FBN3: variants seen among roughly 807,000 people sequenced by gnomAD.
The protein encoded by FBN3 is fibrillin-3.
A neutral mutation model predicts 330.1 loss-of-function variants in FBN3; 234 were observed. The ratio of observed to expected loss-of-function variants is 0.71; its 90% CI spans 0.64 to 0.79. FBN3 has a LOEUF of 0.79. FBN3 is among the 30% of genes least tolerant of loss of function. The pLI, the probability that FBN3 is intolerant of heterozygous loss-of-function variation, is 0.00. For synonymous variants in FBN3, 1,458 were observed against 1,517.3 expected, an observed-to-expected ratio of 0.96 and a Z score of 0.91; for missense variants, 3,606 against 3,886.9, an observed-to-expected ratio of 0.93 and a Z score of 1.92.
In FBN3 at chr19:8,109,446, T is replaced by C. The variant is rs2082527334; in HGVS notation, c.4457-58A>G. 3 of 1,575,708 alleles carry C rather than the reference T, an allele frequency of 1.9e-6. No individual in the cohort carries two copies. Among genetic ancestry groups the C allele is most frequent in the Admixed American group, 3.4e-5 (2 of 59,536 alleles). ...TCAGAGGGAAAGCTGTATGTGTGCGTGTGCATGCATGTGTCTATTTCAACA... is the reference window on the plus strand; with the variant it reads ...TCAGAGGGAAAGCTGTATGTGTGCGCGTGCATGCATGTGTCTATTTCAACA... On this transcript the variant is annotated intron_variant, in intron 35 of 63. Coordinates refer to ENST00000600128, the MANE Select transcript of FBN3 (RefSeq NM_032447.5). This position sits in a 1 kb window ranked among gnomAD's most constrained non-coding sequence, Gnocchi z 5.2.
chr19:8,143,497 CTTTT>C (rs557671451), intron 6 of FBN3, among the ~76,000 whole-genome samples: 1 of 126,084 alleles, frequency 7.9e-6, no homozygotes. Context: ...CTTTTCTTTT[CTTTT>C]TTTTTTTTTT....
chr19:8,071,960 G>C lies in FBN3; in HGVS notation c.8088+88C>G, dbSNP rs955482440. 35 of 1,345,118 alleles carry C rather than the reference G, an allele frequency of 2.6e-5. No homozygotes were observed. The African/African-American group carries it at 2.7e-4, about 10-fold the overall frequency. The allele number at this position is 1,345,118 out of a possible 1,614,324, so 83.3% of individuals were successfully genotyped here. A position where few individuals can be genotyped will look rare whatever the true frequency, so the allele number is the denominator to read the frequency against. On this transcript the variant is annotated intron_variant, in intron 63 of 63. Transcript: ENST00000600128. ...GGAGCCTGGTGCTCCTTCTTGGGGG[G>C]GCTGACATGACTAAGTCGGGTCCAC...
intron 51 of FBN3, 140 bp from the exon 52 acceptor site, chr19:8,088,319 A>G (rs560077500): frequency 1.9e-6 from 2 of 1,036,298 alleles, no homozygotes; most frequent in South Asian, 1.6e-5. Flanking sequence ...GGGGCAGGCA[A>G]GCGGTATGTG....
Position 8,100,893 on chromosome 19 carries a change from T to G in FBN3, c.5161+8A>C, listed in dbSNP as rs750635289. 6.2e-7 allele frequency: 1 copy of G among 1,612,516 alleles called. No individual in the cohort carries two copies. The highest frequency in any genetic ancestry group is 1.3e-5 in the African/African-American group (1 of 74,820). ...TGCCCAGGGATAGAGCAGGGACCACTCACTCACCAAGGGGCTTCCCCGTGT... is the reference window on the plus strand; with the variant it reads ...TGCCCAGGGATAGAGCAGGGACCACGCACTCACCAAGGGGCTTCCCCGTGT... On this transcript the variant is annotated splice_region_variant and intron_variant, in intron 41 of 63. Coordinates refer to ENST00000600128, the MANE Select transcript of FBN3 (RefSeq NM_032447.5).
intron 13 of FBN3, 25 bp downstream of exon 13, chr19:8,135,936 G>GGGGGGGGGGGGGGGGGGGCCCCCC: frequency 4.2e-5 from 28 of 668,734 alleles, no homozygotes; most frequent in East Asian, 7.9e-5. Context: ...GGAAGCCCCT[G>GGGGGGGGGGGGGGGGGGGCCCCCC]CCCACCCGCC....
rs2082433571 is a variant in FBN3 at position 8,106,149 on chromosome 19, G to A, written c.4772C>T (p.Pro1591Leu). Reference sequence around the variant, plus strand: ...GTGCTCACTGAGGTGGTAGCCAGGTGGGCACTCACACTGGAAACTGCCAAA... The same window carrying A: ...GTGCTCACTGAGGTGGTAGCCAGGTAGGCACTCACACTGGAAACTGCCAAA... ...NTFGSFQCEC[P>L]PGYHLSEHTR... The change falls in exon 38 of 64, where the codon CCA becomes CTA. Residue 1591 changes from proline (P) to leucine (L), a missense_variant. Physicochemically the swap from Pro to Leu is moderately conservative, Grantham distance 98. Coordinates refer to ENST00000600128, the MANE Select transcript of FBN3 (RefSeq NM_032447.5). The A allele has an allele frequency of 6.2e-7, 1 of 1,614,088 alleles. No homozygotes were observed. Among genetic ancestry groups the A allele is most frequent in the Non-Finnish European group, 8.5e-7 (1 of 1,180,000 alleles).
intron 39 of FBN3, 95 bp from the exon 40 acceptor site, chr19:8,102,968 T>C (rs894709204): frequency 6.8e-6 from 9 of 1,319,154 alleles, no homozygotes; most frequent in Admixed American, 1.8e-5. Flanking sequence ...ACTGATTCAT[T>C]TGAAGATTAC....
At chr19:8,070,370 G>A (rs897707222) in intron 63 of FBN3, among the ~76,000 whole-genome samples, 1 of 152,142 alleles carries the variant, frequency 6.6e-6, no homozygotes, top group East Asian at 1.9e-4. Flanking sequence ...TCAGCCTCAC[G>A]AGGGCAGGTG....
At chr19:8,116,872 G>A in intron 28 of FBN3, 73 bp from the exon 29 acceptor site, 6 of 1,540,214 alleles carry the variant, frequency 3.9e-6, no homozygotes, top group Non-Finnish European at 5.3e-6. Flanking sequence ...TGCTCCCCAG[G>A]CCCCAGGACG....
rs145344717 is a variant in FBN3, at chr19:8,103,680, G to A, written c.4821C>T (p.Asp1607=). The A allele has an allele frequency of 9.7e-4, 1,572 of 1,612,838 alleles. 26 individuals carry two copies. The South Asian group carries it at 0.015, about 16-fold the overall frequency. The part of the protein sequence containing the change: ...SEHTRICEDI[D]ECSTHSGICG... Reference sequence around the variant, plus strand: ...AGATGCCGGAGTGTGTGGAGCATTCGTCAATATCTGCAGGGAAAGAAGGGG... The same window carrying A: ...AGATGCCGGAGTGTGTGGAGCATTCATCAATATCTGCAGGGAAAGAAGGGG... The change falls in exon 39 of 64, where the codon GAC becomes GAT. Residue 1607 remains aspartate (D), a synonymous_variant. Transcript: ENST00000600128.
intron 63 of FBN3, among the ~76,000 whole-genome samples, chr19:8,068,230 C>CAAAA (rs61181143): frequency 2.0e-3 from 288 of 145,366 alleles, no homozygotes; most frequent in Middle Eastern, 7.1e-3. Context: ...ACTAAAAATA[C>CAAAA]AAAAAAAAAA....
rs868550054 is a variant in FBN3, at chr19:8,117,472, C to T, written c.3455G>A (p.Gly1152Asp). The T allele has an allele frequency of 1.9e-6, 3 of 1,561,024 alleles. No individual in the cohort carries two copies. The highest frequency in any genetic ancestry group is 2.6e-6 in the Non-Finnish European group (3 of 1,152,208). Residue 1152 changes from glycine to aspartate, a missense_variant, in exon 27 of 64, where the codon GGC becomes GAC. By Grantham distance (94) the Gly-to-Asp change is moderately conservative (BLOSUM62 -1). Transcript: ENST00000600128. ...AGFQSTPDRQ[G>D]CVDINECRVQ... is the part of the protein sequence containing the mutation. ...GGTGGGCACAGTCTCACCCACGCAG[C>T]CCTGGCGGTCAGGTGTGCTCTGGAA...
chr19:8,125,614 A>C (rs1236645404), intron 22 of FBN3, among the ~76,000 whole-genome samples: 1 of 151,988 alleles, frequency 6.6e-6, no homozygotes, highest in Non-Finnish European at 1.5e-5. Context: ...AACATGGTGA[A>C]ACCCCATCTC....
Position 8,075,078 on chromosome 19 carries a change from C to A in FBN3, c.7695G>T (p.Gln2565His). 1 of 1,602,790 alleles carries A rather than the reference C, an allele frequency of 6.2e-7. No individual in the cohort carries two copies. The highest frequency in any genetic ancestry group is 8.5e-7 in the Non-Finnish European group (1 of 1,174,362). The change falls in exon 61 of 64, where the codon CAG (glutamine) becomes CAT (histidine). Residue 2565 changes from glutamine (Q) to histidine (H), a missense_variant. By Grantham distance (24) the Gln-to-His change is conservative. Transcript: ENST00000600128. ...QGFTQHSQWA[Q>H]CVDENECALS... ...CCAGCCCTTTTCACTCACCCACACA[C>A]TGGGCCCACTGGGAGTGCTGGGTGA...
At chr19:8,101,985 G>A (rs1042316117) in intron 40 of FBN3, among the ~76,000 whole-genome samples, 26 of 152,298 alleles carry the variant, frequency 1.7e-4, no homozygotes, top group South Asian at 4.1e-4. Context: ...GGAGGGACCC[G>A]GTGGGAGGTA....
rs777815122 is a variant in FBN3 at position 8,087,191 on chromosome 19, C to T, written c.6640G>A (p.Gly2214Ser). 1 of 1,601,740 alleles carries T rather than the reference C, an allele frequency of 6.2e-7. No individual in the cohort carries two copies. Among genetic ancestry groups the T allele is most frequent in the Non-Finnish European group, 8.5e-7 (1 of 1,175,530 alleles). Residue 2214 changes from glycine to serine, a missense_variant, in exon 54 of 64, where the codon GGT becomes AGT. Coordinates refer to ENST00000600128, the MANE Select transcript of FBN3 (RefSeq NM_032447.5). ...CCCCGGGCGTGGCAGTCCTGCTGAC[C>T]ATCTGCACACTCGTCCACATCTTCG... ...MCRDVDECAD[G>S]QQDCHARGME...
At chr19:8,147,665 G>T in intron 1 of FBN3, 168 bp from the exon 2 acceptor site, 1 of 493,460 alleles carries the variant, frequency 2.0e-6, no homozygotes, top group Non-Finnish European at 3.4e-6. Flanking sequence ...AGTCAGAGGA[G>T]GCTTCCTGGA....
intron 30 of FBN3, among the ~76,000 whole-genome samples, chr19:8,114,810 C>T (rs1356728971): frequency 4.0e-5 from 6 of 151,638 alleles, no homozygotes; most frequent in Non-Finnish European, 8.8e-5. Flanking sequence ...GGCTCGACCT[C>T]GGCTCACTGC....
chr19:8,118,693 A>G (rs2082767277), intron 26 of FBN3, among the ~76,000 whole-genome samples: 1 of 152,062 alleles, frequency 6.6e-6, no homozygotes. Flanking sequence ...AGACACACAA[A>G]CACACTCCCG....
Sources: allele counts gnomAD v4.1 joint callset (sites outside exome capture counted in the v4.1 genomes callset), GRCh38; gene constraint gnomAD v4.1.1; non-coding constraint Gnocchi (gnomAD v3.1); transcripts MANE v1.5; gene names NCBI Gene and HGNC (gene_info 2026-07-23, HGNC 2026-07-21).